The following TBC1D9B variants were observed in gnomAD, a reference collection of about 807,000 sequenced individuals.
The protein encoded by TBC1D9B is TBC1 domain family member 9B.
TBC1D9B carries 87 observed loss-of-function variants against 121.1 expected under a neutral mutation model. The observed-to-expected ratio is 0.72, with a 90% CI of 0.60 to 0.86. TBC1D9B has a LOEUF of 0.86. Ranked by LOEUF, TBC1D9B falls within the 40% of genes least tolerant of loss-of-function variation. The probability of loss-of-function intolerance (pLI) is 0.00; values close to 1 mark genes in which losing one functional copy is unlikely to be tolerated. For synonymous variants in TBC1D9B, 668 were observed against 670.1 expected (o/e 1.00, Z 0.05); for missense variants, 1,540 against 1,628.6 (o/e 0.95, Z 0.94).
rs539205911 is a variant in TBC1D9B at position 179,885,776 on chromosome 5, C to T, written c.1254+2327G>A. Among the ~76,000 whole-genome samples, 131 of 152,286 alleles carry T rather than the reference C, an allele frequency of 8.6e-4. No homozygotes were observed. The highest frequency in any genetic ancestry group is 1.4e-3 in the Non-Finnish European group (93 of 68,030). On this transcript the variant is annotated intron_variant, in intron 7 of 20. Coordinates refer to ENST00000355235, the MANE Select transcript of TBC1D9B (RefSeq NM_015043.4). The surrounding 1 kb of genome is among the most constrained non-coding windows in gnomAD (Gnocchi z 4.5). The stretch of plus-strand genomic sequence containing the variant: ...ACCTCTAATCCACTGTCAACATGGA[C>T]GGCCACAGTAACCCCATTAACACGT...
Position 179,885,842 on chromosome 5 carries a change from C to T in TBC1D9B, c.1254+2261G>A, listed in dbSNP as rs1027155130. 6.6e-6 allele frequency among the ~76,000 whole-genome samples: 1 copy of T among 152,188 alleles called. No homozygotes were observed. The highest frequency in any genetic ancestry group is 1.5e-5 in the Non-Finnish European group (1 of 68,034). On this transcript the variant is annotated intron_variant, in intron 7 of 20. Coordinates refer to ENST00000355235, the MANE Select transcript of TBC1D9B (RefSeq NM_015043.4). This position sits in a 1 kb window ranked among gnomAD's most constrained non-coding sequence, Gnocchi z 4.5. ...TCCTCTGGTCATGACTCTTCACTGG[C>T]TTCCCCTCTCACCTGAAGTCAAAGC... is the stretch of plus-strand genomic sequence containing the variant.
intron 1 of TBC1D9B, among the ~76,000 whole-genome samples, chr5:179,905,918 C>T (rs1408455783): frequency 6.6e-6 from 1 of 152,194 alleles, no homozygotes; most frequent in African/African-American, 2.4e-5. Context: ...CTCGCTCTGT[C>T]GCCCAAGGTG....
intron 14 of TBC1D9B, 197 bp downstream of exon 14, chr5:179,872,695 G>C: frequency 1.7e-6 from 1 of 591,142 alleles, no homozygotes; most frequent in Non-Finnish European, 3.0e-6. Flanking sequence ...TCCACCAGCA[G>C]AGAAAAGTGA....
intron 7 of TBC1D9B, among the ~76,000 whole-genome samples, chr5:179,887,081 GGTGA>G (rs144146510): frequency 0.01 from 1,560 of 152,332 alleles, 25 homozygotes; most frequent in African/African-American, 0.035. Context: ...TTTGACAACT[GGTGA>G]GTAAGAGGAA....
chr5:179,875,136 G>T lies in TBC1D9B; in HGVS notation c.1952C>A (p.Pro651Gln), dbSNP rs1247176784. Residue 651 changes from proline (P) to glutamine (Q), a missense_variant, in exon 12 of 21, where the codon CCG (proline) becomes CAG (glutamine). Transcript: ENST00000355235. This position sits in a 1 kb window ranked among gnomAD's most constrained non-coding sequence, Gnocchi z 4.5. ...IFEELTRDFL[P>Q]QLSEKMQDLG... is the part of the protein sequence containing the mutation. ...GTCCTGCATCTTCTCCGAGAGCTGC[G>T]GCAGGAAGTCTCTCGTGAGCTCTTC... 2 of 1,613,872 alleles carry T rather than the reference G, an allele frequency of 1.2e-6. No individual in the cohort carries two copies. The highest frequency in any genetic ancestry group is 1.7e-6 in the Non-Finnish European group (2 of 1,180,018).
Position 179,865,997 on chromosome 5 carries a change from G to C in TBC1D9B, c.2864-109C>G. 1 of 1,393,228 alleles carries C rather than the reference G, an allele frequency of 7.2e-7. No homozygotes were observed. The highest frequency in any genetic ancestry group is 1.0e-6 in the Non-Finnish European group (1 of 991,786). The allele number at this position is 1,393,228 out of a possible 1,614,324, so 86.3% of individuals were successfully genotyped here. On this transcript the variant is annotated intron_variant, in intron 18 of 20. Coordinates refer to ENST00000355235, the MANE Select transcript of TBC1D9B (RefSeq NM_015043.4). This position sits in a 1 kb window ranked among gnomAD's most constrained non-coding sequence, Gnocchi z 5.1. ...TGTGTTTCTGTACAGCCAGCCCCAGGCCAGGCCCTGGGGAGCAGGTCTCCC... is the reference window on the plus strand; with the variant it reads ...TGTGTTTCTGTACAGCCAGCCCCAGCCCAGGCCCTGGGGAGCAGGTCTCCC...
chr5:179,867,073 T>C (rs1760033980), intron 18 of TBC1D9B: 1 of 205,240 alleles, frequency 4.9e-6, no homozygotes, highest in Admixed American at 5.1e-5. Flanking sequence ...AACATGAAGA[T>C]TTTTCCTAGG....
Position 179,875,299 on chromosome 5 carries a change from G to T in TBC1D9B, c.1901-112C>A. ...CCAGCCCTGCCAGCTGTGCAGTGAG[G>T]GCTGAGGGAGACTTGGAGTGCTGGG... On this transcript the variant is annotated intron_variant, in intron 11 of 20. Transcript: ENST00000355235. The surrounding 1 kb of genome is among the most constrained non-coding windows in gnomAD (Gnocchi z 4.5). 7.5e-7 allele frequency: 1 copy of T among 1,329,958 alleles called. No homozygotes were observed. Among genetic ancestry groups the T allele is most frequent in the Non-Finnish European group, 1.0e-6 (1 of 991,110 alleles). 82.4% of individuals were successfully genotyped at this position (1,329,958 alleles called of 1,614,324 possible).
Position 179,863,949 on chromosome 5 carries a change from G to A in TBC1D9B, c.3201C>T (p.Asp1067=), listed in dbSNP as rs780876613. The change falls in exon 21 of 21, where the codon GAC becomes GAT. Residue 1067 remains aspartate (D), a synonymous_variant. Coordinates refer to ENST00000355235, the MANE Select transcript of TBC1D9B (RefSeq NM_015043.4). The surrounding 1 kb of genome is among the most constrained non-coding windows in gnomAD (Gnocchi z 4.5). ...RKPRDCATEE[D]EPPAPELHQD... ...GATGCAGTTCGGGTGCTGGTGGCTC[G>A]TCCTCCTCAGTGGCACAGTCCCTGG... is the stretch of plus-strand genomic sequence containing the variant. 3.8e-5 allele frequency: 62 copies of A among 1,613,686 alleles called. 1 individual carries two copies. The South Asian group carries it at 4.8e-4, about 13-fold the overall frequency.
chr5:179,870,105 G>C (rs572905682), intron 16 of TBC1D9B, 150 bp downstream of exon 16: 136 of 1,359,990 alleles, frequency 1.0e-4, no homozygotes, highest in Admixed American at 2.6e-4. Flanking sequence ...GGCTCCCGTG[G>C]GTAAACTGTT....
At chr5:179,871,577 G>A in intron 14 of TBC1D9B, 47 bp from the exon 15 acceptor site, 1 of 1,592,276 alleles carries the variant, frequency 6.3e-7, no homozygotes, top group Non-Finnish European at 8.6e-7. Context: ...ACAAGCTCCT[G>A]GCACAGAAGT....
intron 15 of TBC1D9B, 195 bp from the exon 16 acceptor site, chr5:179,870,690 G>A (rs901355006): frequency 1.2e-6 from 1 of 845,768 alleles, no homozygotes; most frequent in Non-Finnish European, 1.8e-6. Flanking sequence ...AGATGGGGAG[G>A]GGGTTGGCTG....
rs1760663636 is a variant in TBC1D9B at position 179,885,672 on chromosome 5, A to G, written c.1254+2431T>C. On this transcript the variant is annotated intron_variant, in intron 7 of 20. Coordinates refer to ENST00000355235, the MANE Select transcript of TBC1D9B (RefSeq NM_015043.4). This position sits in a 1 kb window ranked among gnomAD's most constrained non-coding sequence, Gnocchi z 4.5. ...AAAACCCGTGTACAGTGATCTGAAC[A>G]CTCACAGCACATTTCCATTGGCACC... Among the ~76,000 whole-genome samples the G allele has an allele frequency of 1.3e-5, 2 of 152,114 alleles. No individual in the cohort carries two copies. Among genetic ancestry groups the G allele is most frequent in the South Asian group, 4.1e-4 (2 of 4,824 alleles).
At chr5:179,869,478 G>A (rs1760119218) in intron 17 of TBC1D9B, 1 of 604,348 alleles carries the variant, frequency 1.7e-6, no homozygotes, top group African/African-American at 1.8e-5. Flanking sequence ...TCCACTCATG[G>A]CCCTCCTAGT....
In TBC1D9B at chr5:179,893,234, G is replaced by A. The variant is rs2113638863; in HGVS notation, c.811C>T (p.His271Tyr). Residue 271 changes from histidine to tyrosine, a missense_variant, in exon 5 of 21, where the codon CAC (histidine) becomes TAC (tyrosine). Coordinates refer to ENST00000355235, the MANE Select transcript of TBC1D9B (RefSeq NM_015043.4). The part of the protein sequence containing the change: ...DKALPRPIRP[H>Y]RNISALKRDL... ...CGCTTCAGGGCTGAGATGTTCCTGT[G>A]TGGCCGGATGGGCCTAGGCAGGGCC... 1.9e-6 allele frequency: 3 copies of A among 1,611,992 alleles called. No individual in the cohort carries two copies. The South Asian group carries it at 3.3e-5, about 18-fold the overall frequency.
chr5:179,899,231 G>T lies in TBC1D9B; in HGVS notation c.306C>A (p.Asp102Glu). ...CGAAGGTGGTGATATCTTCCTCACT[G>T]TCGAAGATGGACAGTGTCTGGAGCA... ...NNLLQTLSIFDSEEDITTFVK... is the reference protein window; with the variant it reads ...NNLLQTLSIFESEEDITTFVK... Residue 102 changes from aspartate to glutamate, a missense_variant, in exon 3 of 21, where the codon GAC (aspartate) becomes GAA (glutamate). Physicochemically the swap from Asp to Glu is conservative, Grantham distance 45. Coordinates refer to ENST00000355235, the MANE Select transcript of TBC1D9B (RefSeq NM_015043.4). 4 of 1,613,922 alleles carry T rather than the reference G, an allele frequency of 2.5e-6. No individual in the cohort carries two copies. The highest frequency in any genetic ancestry group is 3.4e-6 in the Non-Finnish European group (4 of 1,179,978).
Position 179,907,523 on chromosome 5 carries a change from C to G in TBC1D9B, c.118+181G>C, listed in dbSNP as rs1393663708. ...CCAGCCCCTCGCCTCCCCGCCCCGG[C>G]CCCTCCGCGCCCGGCTCCCGGGTCC... On this transcript the variant is annotated intron_variant, in intron 1 of 20. Coordinates refer to ENST00000355235, the MANE Select transcript of TBC1D9B (RefSeq NM_015043.4). The surrounding 1 kb of genome is among the most constrained non-coding windows in gnomAD (Gnocchi z 5.3). Among the ~76,000 whole-genome samples the G allele has an allele frequency of 6.7e-6, 1 of 150,046 alleles. No homozygotes were observed. The highest frequency in any genetic ancestry group is 2.1e-4 in the South Asian group (1 of 4,810).
rs1760878805 is a variant in TBC1D9B at position 179,891,908 on chromosome 5, C to G, written c.837-322G>C. On this transcript the variant is annotated intron_variant, in intron 5 of 20. Transcript: ENST00000355235. The surrounding 1 kb of genome is among the most constrained non-coding windows in gnomAD (Gnocchi z 4.3). ...CCATCCCTCGGTACTGATGGGCAAG[C>G]AGAGCCCAGAGCACCTGCCCTGGAT... 6.6e-6 allele frequency among the ~76,000 whole-genome samples: 1 copy of G among 152,192 alleles called. No homozygotes were observed. The highest frequency in any genetic ancestry group is 1.5e-5 in the Non-Finnish European group (1 of 68,022).
At position 179,879,609 on chromosome 5, in the gene TBC1D9B, G is replaced by A; in HGVS notation, c.1416+19C>T. 6.2e-7 allele frequency: 1 copy of A among 1,613,646 alleles called. No individual in the cohort carries two copies. Among genetic ancestry groups the A allele is most frequent in the Non-Finnish European group, 8.5e-7 (1 of 1,179,844 alleles). ...CTCCGCTCTTGACGGAGGCTGGAGT[G>A]CCGGCGCTCAGGGCTCACCCCCTTG... On this transcript the variant is annotated intron_variant, in intron 8 of 20. Coordinates refer to ENST00000355235, the MANE Select transcript of TBC1D9B (RefSeq NM_015043.4).
Sources: gnomAD v4.1 joint callset for allele counts (sites outside exome capture counted in the v4.1 genomes callset) on GRCh38, gnomAD v4.1.1 for gene constraint, Gnocchi (gnomAD v3.1) non-coding constraint, MANE v1.5 for transcripts, NCBI Gene and HGNC (gene_info 2026-07-23, HGNC 2026-07-21) for gene names.